RGS6: variants seen among roughly 807,000 people sequenced by gnomAD.
RGS6 encodes the protein regulator of G protein signaling 6.
Under a neutral mutation model 78.5 loss-of-function variants are expected in RGS6, and 30 were observed. The ratio of observed to expected loss-of-function variants is 0.38; its 90% confidence interval spans 0.29 to 0.52. The LOEUF (loss-of-function observed/expected upper bound fraction) is 0.52, where lower values mean the gene tolerates loss of function less well. Ranked by LOEUF, RGS6 falls within the 20% of genes least tolerant of loss-of-function variation. RGS6 has a pLI of 0.85. For synonymous variants in RGS6, 206 were observed against 206.0 expected (o/e 1.00, Z 0.00); for missense variants, 495 against 609.7 (o/e 0.81, Z 1.98).
chr14:71,896,559 C>CA, the RGS6 span, among the ~76,000 whole-genome samples: 3 of 152,304 alleles, frequency 2.0e-5, no homozygotes, highest in South Asian at 6.2e-4. Context: ...CCTTCTATCT[C>CA]ATCCGGTGAC....
At chr14:72,017,675 A>G (rs556109228) in intron 2 of RGS6, among the ~76,000 whole-genome samples, 44 of 152,308 alleles carry the variant, frequency 2.9e-4, no homozygotes, top group African/African-American at 9.4e-4. Flanking sequence ...TTCTTGTCTC[A>G]TCCCTGGCTT....
At chr14:72,278,395 C>T (rs1305412856) in intron 2 of RGS6, among the ~76,000 whole-genome samples, 1 of 152,162 alleles carries the variant, frequency 6.6e-6, no homozygotes, top group African/African-American at 2.4e-5. Flanking sequence ...ACTTAGCTGA[C>T]CTCACTTTGC....
At chr14:71,979,359 G>A (rs1355630343) in intron 2 of RGS6, among the ~76,000 whole-genome samples, 1 of 146,988 alleles carries the variant, frequency 6.8e-6, no homozygotes, top group Non-Finnish European at 1.5e-5. Context: ...TGATGTTAGG[G>A]TGTCAATTTT....
chr14:71,954,645 C>A (rs181711707), intron 1 of RGS6, among the ~76,000 whole-genome samples: 2 of 152,136 alleles, frequency 1.3e-5, no homozygotes, highest in East Asian at 3.9e-4. Context: ...CATTAGTCAC[C>A]CTCTTGTGCT....
chr14:72,618,426 C>T, the RGS6 span, among the ~76,000 whole-genome samples: 1 of 152,322 alleles, frequency 6.6e-6, no homozygotes. Context: ...TGAACCAGGT[C>T]TCCAGAACCA....
chr14:72,307,626 G>T (rs993723062), intron 2 of RGS6, among the ~76,000 whole-genome samples: 2 of 152,060 alleles, frequency 1.3e-5, no homozygotes, highest in Non-Finnish European at 2.9e-5. Flanking sequence ...GCACAAAAAT[G>T]AGAATGTTTT....
intron 15 of RGS6, among the ~76,000 whole-genome samples, chr14:72,530,881 A>G (rs1450419763): frequency 6.6e-6 from 1 of 152,234 alleles, no homozygotes; most frequent in African/African-American, 2.4e-5. Flanking sequence ...AAACCCAAGC[A>G]AGTATGGAGC....
chr14:72,192,291 AT>A (rs920525140), intron 2 of RGS6, among the ~76,000 whole-genome samples: 1 of 152,230 alleles, frequency 6.6e-6, no homozygotes, highest in Non-Finnish European at 1.5e-5. Context: ...GGGCAAGTAG[AT>A]TAGGTTATAT....
At chr14:72,357,339 G>A (rs956868695) in intron 3 of RGS6, among the ~76,000 whole-genome samples, 4 of 152,128 alleles carry the variant, frequency 2.6e-5, no homozygotes, top group African/African-American at 9.7e-5. Context: ...CAGTTTGAAG[G>A]GCTCAGAAGA....
chr14:72,493,094 C>T (rs1394711989), intron 12 of RGS6, among the ~76,000 whole-genome samples: 2 of 152,176 alleles, frequency 1.3e-5, no homozygotes. Flanking sequence ...CAGTGACAAG[C>T]CCCATCCACA....
At chr14:72,157,739 A>G (rs2153653855) in intron 2 of RGS6, among the ~76,000 whole-genome samples, 1 of 152,276 alleles carries the variant, frequency 6.6e-6, no homozygotes, top group Non-Finnish European at 1.5e-5. Flanking sequence ...GGGTGAGGAT[A>G]ATAATATTAA....
intron 2 of RGS6, among the ~76,000 whole-genome samples, chr14:72,106,927 G>GT (rs1164661219): frequency 2.0e-5 from 3 of 151,858 alleles, no homozygotes; most frequent in Non-Finnish European, 1.5e-5. Flanking sequence ...TGCGTTTTTT[G>GT]TTTTTTTCTT....
downstream of RGS6, among the ~76,000 whole-genome samples, chr14:72,569,712 G>A (rs1219401371): frequency 7.2e-6 from 1 of 139,674 alleles, no homozygotes; most frequent in Non-Finnish European, 1.6e-5. Context: ...GGGAGGGAGG[G>A]AGGGAACGAA....
At chr14:72,540,303 C>T (rs2097307166) in intron 17 of RGS6, 13 of 1,495,720 alleles carry the variant, frequency 8.7e-6, no homozygotes, top group Non-Finnish European at 1.1e-5. Flanking sequence ...AAGCGGCTCC[C>T]TCTGCAGAAG....
At chr14:72,040,353 T>C (rs2092280768) in intron 2 of RGS6, among the ~76,000 whole-genome samples, 1 of 152,082 alleles carries the variant, frequency 6.6e-6, no homozygotes, top group Non-Finnish European at 1.5e-5. Flanking sequence ...TTATTTCTCC[T>C]TCATTTTTGA....
At chr14:71,947,867 C>G (rs184206348) in intron 1 of RGS6, among the ~76,000 whole-genome samples, 1 of 152,046 alleles carries the variant, frequency 6.6e-6, no homozygotes, top group Non-Finnish European at 1.5e-5. Context: ...TGAACAGTGA[C>G]GGATAAAACT....
chr14:71,869,294 G>A, the RGS6 span, among the ~76,000 whole-genome samples: 1 of 152,158 alleles, frequency 6.6e-6, no homozygotes, highest in African/African-American at 2.4e-5. Context: ...GAGCAAGTAG[G>A]TTTCTTATCT....
At chr14:72,067,845 G>GA (rs1434300930) in intron 2 of RGS6, among the ~76,000 whole-genome samples, 1 of 152,160 alleles carries the variant, frequency 6.6e-6, no homozygotes, top group East Asian at 1.9e-4. Flanking sequence ...TTGCCACCGT[G>GA]AGGATGGTCT....
At chr14:71,978,654 A>G (rs912466216) in intron 2 of RGS6, among the ~76,000 whole-genome samples, 1 of 148,448 alleles carries the variant, frequency 6.7e-6, no homozygotes, top group African/African-American at 2.5e-5. Context: ...GTGCTGCTGG[A>G]TTCGTTTTGC....
Sources: allele counts gnomAD v4.1 joint callset (sites outside exome capture counted in the v4.1 genomes callset), GRCh38; gene constraint gnomAD v4.1.1; transcripts MANE v1.5; gene names NCBI Gene and HGNC (gene_info 2026-07-23, HGNC 2026-07-21).